The following PPP3CC variants were observed in gnomAD, a reference collection of about 807,000 sequenced individuals.
PPP3CC encodes protein phosphatase 3 catalytic subunit gamma, also known as serine/threonine-protein phosphatase 2B catalytic subunit gamma isoform.
A neutral mutation model predicts 60.3 loss-of-function variants in PPP3CC; 35 were observed. The observed-to-expected ratio is 0.58, with a 90% CI of 0.44 to 0.77. The LOEUF (loss-of-function observed/expected upper bound fraction) is 0.77. PPP3CC is among the 30% of genes least tolerant of loss of function. The pLI is 0.00. For synonymous variants in PPP3CC, 206 were observed against 224.3 expected (o/e 0.92, Z 0.73); for missense variants, 570 against 628.9 (o/e 0.91, Z 1.00).
chr8:22,454,804 C>T (rs1837143633), intron 1 of PPP3CC, among the ~76,000 whole-genome samples: 1 of 151,900 alleles, frequency 6.6e-6, no homozygotes, highest in Admixed American at 6.6e-5. Context: ...CGCGGTGGCT[C>T]ACGCCTGTAA....
intron 4 of PPP3CC, among the ~76,000 whole-genome samples, chr8:22,503,862 A>G (rs1038515565): frequency 2.6e-5 from 4 of 152,332 alleles, no homozygotes; most frequent in Admixed American, 6.5e-5. Flanking sequence ...ACACAGATTC[A>G]AGTATAAGTT....
At chr8:22,446,626 C>T (rs563071501) in intron 1 of PPP3CC, among the ~76,000 whole-genome samples, 1 of 151,750 alleles carries the variant, frequency 6.6e-6, no homozygotes, top group Non-Finnish European at 1.5e-5. Context: ...GCCAACGTGG[C>T]GAAACCCAGT....
At chr8:22,495,048 A>G (rs1838525464) in intron 3 of PPP3CC, among the ~76,000 whole-genome samples, 1 of 152,136 alleles carries the variant, frequency 6.6e-6, no homozygotes, top group Admixed American at 6.5e-5. Context: ...CCTCGCCTCA[A>G]GGGATCCTCC....
intron 1 of PPP3CC, among the ~76,000 whole-genome samples, chr8:22,447,629 A>C (rs1490396019): frequency 1.3e-5 from 2 of 152,086 alleles, no homozygotes; most frequent in Non-Finnish European, 2.9e-5. Flanking sequence ...TTATAGTCTT[A>C]ATGTTAAAAT....
chr8:22,475,608 G>T lies in PPP3CC; in HGVS notation c.356G>T (p.Gly119Val). 1 of 1,613,042 alleles carries T rather than the reference G, an allele frequency of 6.2e-7. No individual in the cohort carries two copies. Among genetic ancestry groups the T allele is most frequent in the Non-Finnish European group, 8.5e-7 (1 of 1,179,376 alleles). Reference sequence around the variant, plus strand: ...TTTCTGGGTGACTATGTGGACAGAGGCTATTTCAGTATAGAGGTAAAAATT... The same window carrying T: ...TTTCTGGGTGACTATGTGGACAGAGTCTATTTCAGTATAGAGGTAAAAATT... ...YLFLGDYVDR[G>V]YFSIECVLYL... is the part of the protein sequence containing the mutation. Residue 119 changes from glycine to valine, a missense_variant, in exon 3 of 14, where the codon GGC (glycine) becomes GTC (valine). Coordinates refer to ENST00000240139, the MANE Select transcript of PPP3CC (RefSeq NM_005605.5).
chr8:22,503,537 T>G (rs1838822716), intron 4 of PPP3CC, among the ~76,000 whole-genome samples: 1 of 152,172 alleles, frequency 6.6e-6, no homozygotes, highest in Admixed American at 6.5e-5. Flanking sequence ...TTTTTTATTT[T>G]TAATTTTTAT....
chr8:22,512,123 G>T (rs1163201447), intron 5 of PPP3CC, among the ~76,000 whole-genome samples: 1 of 152,044 alleles, frequency 6.6e-6, no homozygotes, highest in Non-Finnish European at 1.5e-5. Context: ...CTGTCTCTCT[G>T]TCTTTTTTAA....
intron 12 of PPP3CC, among the ~76,000 whole-genome samples, chr8:22,534,794 A>G (rs769484684): frequency 3.3e-5 from 5 of 152,256 alleles, no homozygotes; most frequent in Non-Finnish European, 5.9e-5. Context: ...ATAAAAAATA[A>G]CACATTATGG....
rs1007642797 is a variant in PPP3CC at position 22,527,645 on chromosome 8, T to C, written c.1069+128T>C. The C allele has an allele frequency of 2.4e-6, 3 of 1,233,286 alleles. No homozygotes were observed. The Admixed American group carries it at 7.2e-5, about 30-fold the overall frequency. The allele number at this position is 1,233,286 out of a possible 1,614,324, so 76.4% of individuals were successfully genotyped here. A position where few individuals can be genotyped will look rare whatever the true frequency, so the allele number is the denominator to read the frequency against. On this transcript the variant is annotated intron_variant, in intron 9 of 13. Coordinates refer to ENST00000240139, the MANE Select transcript of PPP3CC (RefSeq NM_005605.5). Reference sequence around the variant, plus strand: ...TTGTTCTCTACATAGATTTTTTTTTTTTTTTTCTGAGATGGAGTCTCGCTC... The same window carrying C: ...TTGTTCTCTACATAGATTTTTTTTTCTTTTTTCTGAGATGGAGTCTCGCTC...
At chr8:22,518,268 G>A (rs1839306779) in intron 6 of PPP3CC, among the ~76,000 whole-genome samples, 1 of 152,024 alleles carries the variant, frequency 6.6e-6, no homozygotes, top group South Asian at 2.1e-4. Flanking sequence ...GTCTTGCTGT[G>A]TTGCTTAGGC....
chr8:22,473,636 G>T (rs547202966), intron 1 of PPP3CC, among the ~76,000 whole-genome samples: 1 of 151,720 alleles, frequency 6.6e-6, no homozygotes, highest in Non-Finnish European at 1.5e-5. Context: ...GCTAATTTTT[G>T]TATTTTTAGT....
At chr8:22,458,254 T>G (rs946164343) in intron 1 of PPP3CC, among the ~76,000 whole-genome samples, 2 of 152,188 alleles carry the variant, frequency 1.3e-5, no homozygotes, top group Admixed American at 6.5e-5. Flanking sequence ...TTTCAAACGT[T>G]ACTCAAAGAA....
At chr8:22,526,745 G>A (rs925138509) in intron 8 of PPP3CC, among the ~76,000 whole-genome samples, 1 of 152,232 alleles carries the variant, frequency 6.6e-6, no homozygotes, top group African/African-American at 2.4e-5. Context: ...TGGCATCAAA[G>A]TATGTGTGCG....
intron 3 of PPP3CC, among the ~76,000 whole-genome samples, chr8:22,497,311 G>A (rs987488771): frequency 4.6e-5 from 7 of 151,840 alleles, no homozygotes; most frequent in Admixed American, 2.6e-4. Flanking sequence ...TTACAGGTAT[G>A]AGCCACTGCA....
intron 9 of PPP3CC, 47 bp downstream of exon 9, chr8:22,527,564 C>A: frequency 6.3e-7 from 1 of 1,591,244 alleles, no homozygotes; most frequent in Non-Finnish European, 8.6e-7. Flanking sequence ...GGTGACTGAG[C>A]ATACCTTATA....
rs139704293 is a variant in PPP3CC, at chr8:22,527,423, G to A, written c.975G>A (p.Met325Ile). 7 of 1,613,546 alleles carry A rather than the reference G, an allele frequency of 4.3e-6. No homozygotes were observed. The highest frequency in any genetic ancestry group is 5.9e-6 in the Non-Finnish European group (7 of 1,179,720). Residue 325 changes from methionine (M) to isoleucine (I), a missense_variant, in exon 9 of 14, where the codon ATG becomes ATA. Coordinates refer to ENST00000240139, the MANE Select transcript of PPP3CC (RefSeq NM_005605.5). Reference protein sequence around the residue: ...AAVLKYENNVMNIRQFNCSPH... With the variant: ...AAVLKYENNVINIRQFNCSPH... ...TGTTGAAATATGAAAACAATGTCATGAATATCAGGCAGTTTAACTGTTCTC... is the reference window on the plus strand; with the variant it reads ...TGTTGAAATATGAAAACAATGTCATAAATATCAGGCAGTTTAACTGTTCTC...
intron 1 of PPP3CC, among the ~76,000 whole-genome samples, chr8:22,450,980 A>G (rs2132430463): frequency 6.9e-6 from 1 of 145,310 alleles, no homozygotes; most frequent in South Asian, 2.2e-4. Flanking sequence ...GACTACAGCC[A>G]CGCGCCACCA....
intron 12 of PPP3CC, among the ~76,000 whole-genome samples, chr8:22,534,725 A>G (rs1161286792): frequency 2.6e-5 from 4 of 152,234 alleles, no homozygotes; most frequent in Non-Finnish European, 5.9e-5. Context: ...AATAAATTGT[A>G]TTCCGAAATA....
intron 3 of PPP3CC, among the ~76,000 whole-genome samples, chr8:22,481,699 C>G (rs966703139): frequency 6.6e-6 from 1 of 152,066 alleles, no homozygotes; most frequent in Non-Finnish European, 1.5e-5. Context: ...CCCTAGCCCC[C>G]CACCTACCAA....
Sources: allele counts gnomAD v4.1 joint callset (sites outside exome capture counted in the v4.1 genomes callset), GRCh38; gene constraint gnomAD v4.1.1; transcripts MANE v1.5; gene names NCBI Gene and HGNC (gene_info 2026-07-23, HGNC 2026-07-21).